The following ADK variants were observed in gnomAD, a reference collection of about 807,000 sequenced individuals.
The protein encoded by ADK is adenosine kinase.
A neutral mutation model predicts 44.7 loss-of-function variants in ADK; 24 were observed. The observed-to-expected ratio is 0.54, with a 90% CI of 0.39 to 0.76. The LOEUF is 0.76. ADK is among the 30% of genes least tolerant of loss of function. The pLI is 0.00. For missense variants in ADK, 321 were observed against 425.1 expected (o/e 0.76, Z 2.15); for synonymous variants, 128 against 142.6 (o/e 0.90, Z 0.73).
At chr10:74,373,688 C>A (rs909806241) in intron 4 of ADK, among the ~76,000 whole-genome samples, 2 of 152,074 alleles carry the variant, frequency 1.3e-5, no homozygotes, top group Non-Finnish European at 2.9e-5. Context: ...TTTGGAGAAC[C>A]CTAAGGCATT....
intron 4 of ADK, among the ~76,000 whole-genome samples, chr10:74,356,973 T>A (rs539755816): frequency 1.9e-4 from 29 of 152,208 alleles, no homozygotes; most frequent in Admixed American, 1.6e-3. Context: ...TATATTTGAG[T>A]GTAATGAGCA....
At chr10:74,596,018 C>T (rs1472792134) in intron 8 of ADK, among the ~76,000 whole-genome samples, 1 of 141,462 alleles carries the variant, frequency 7.1e-6, no homozygotes, top group Admixed American at 7.0e-5. Context: ...AAAAAAAAAC[C>T]ACTGAAATTC....
At chr10:74,553,206 T>G (rs868856906) in intron 7 of ADK, among the ~76,000 whole-genome samples, 3 of 128,998 alleles carry the variant, frequency 2.3e-5, no homozygotes, top group Admixed American at 1.5e-4. Flanking sequence ...TTTTTTTTTT[T>G]TTTTTTTTTT....
chr10:74,409,050 C>T (rs923896500), intron 6 of ADK, among the ~76,000 whole-genome samples: 16 of 152,110 alleles, frequency 1.1e-4, no homozygotes, highest in South Asian at 4.1e-4. Flanking sequence ...ACCATTTTAT[C>T]GCTTAAAAAT....
At chr10:74,417,077 T>A (rs1052591255) in intron 6 of ADK, among the ~76,000 whole-genome samples, 1 of 152,112 alleles carries the variant, frequency 6.6e-6, no homozygotes, top group Non-Finnish European at 1.5e-5. Flanking sequence ...TGGTAGCTTT[T>A]AATCATTTGC....
Position 74,519,620 on chromosome 10 carries a change from T to A in ADK, c.556-5636T>A, listed in dbSNP as rs551587038. Among the ~76,000 whole-genome samples the A allele has an allele frequency of 7.9e-4, 120 of 152,108 alleles. 1 individual carries two copies. The highest frequency in any genetic ancestry group is 1.5e-3 in the Non-Finnish European group (105 of 67,850). Reference sequence around the variant, plus strand: ...AGTAGACTCTCAGAAGTAGAATTACTGGGTCAAAGAGTATAATCAACCCTT... The same window carrying A: ...AGTAGACTCTCAGAAGTAGAATTACAGGGTCAAAGAGTATAATCAACCCTT... On this transcript the variant is annotated intron_variant, in intron 6 of 10. Transcript: ENST00000539909.
At chr10:74,674,371 C>A (rs1268407248) in intron 10 of ADK, among the ~76,000 whole-genome samples, 1 of 152,180 alleles carries the variant, frequency 6.6e-6, no homozygotes. Context: ...CAGTGGCTCA[C>A]ACCTGAAATC....
At chr10:74,617,563 A>G (rs1852819068) in intron 9 of ADK, among the ~76,000 whole-genome samples, 1 of 151,968 alleles carries the variant, frequency 6.6e-6, no homozygotes, top group South Asian at 2.1e-4. Flanking sequence ...TATCTTTTTA[A>G]TGTCTTATTG....
intron 2 of ADK, among the ~76,000 whole-genome samples, chr10:74,212,108 T>G (rs2132195100): frequency 6.6e-6 from 1 of 152,342 alleles, no homozygotes; most frequent in South Asian, 2.1e-4. Context: ...ATTGAGTGAT[T>G]GGTCCTGAGT....
chr10:74,151,278 G>A lies in ADK; in HGVS notation c.-1G>A, dbSNP rs757735079. 6.5e-7 allele frequency: 1 copy of A among 1,549,688 alleles called. No homozygotes were observed. Among genetic ancestry groups the A allele is most frequent in the South Asian group, 1.2e-5 (1 of 83,974 alleles). On this transcript the variant is annotated 5_prime_UTR_variant, in exon 1 of 11. Coordinates refer to ENST00000539909, the MANE Select transcript of ADK (RefSeq NM_006721.4). ...AGCCAAAGTGGGGTGGGAGCGCGAA[G>A]ATGGCAGCTGCTGAGGAGGAGCCGA...
At chr10:74,610,891 T>TAA (rs1187772511) in intron 9 of ADK, among the ~76,000 whole-genome samples, 2 of 152,150 alleles carry the variant, frequency 1.3e-5, no homozygotes, top group Non-Finnish European at 2.9e-5. Flanking sequence ...TAGTGCTTTA[T>TAA]AGAAAGTTTA....
chr10:74,647,411 T>C (rs1854093111), intron 9 of ADK, among the ~76,000 whole-genome samples: 1 of 152,220 alleles, frequency 6.6e-6, no homozygotes, highest in South Asian at 2.1e-4. Context: ...GTTTGATCTG[T>C]AGTTATTTAT....
intron 10 of ADK, among the ~76,000 whole-genome samples, chr10:74,680,884 CA>C (rs1443459924): frequency 6.6e-6 from 1 of 152,124 alleles, no homozygotes; most frequent in African/African-American, 2.4e-5. Context: ...TTAACGTTGA[CA>C]TTTTATAGAA....
At chr10:74,360,215 T>C (rs889718414) in intron 4 of ADK, among the ~76,000 whole-genome samples, 3 of 152,140 alleles carry the variant, frequency 2.0e-5, no homozygotes, top group Non-Finnish European at 4.4e-5. Context: ...CTGATGTTCT[T>C]ACATTTCTTA....
intron 8 of ADK, among the ~76,000 whole-genome samples, chr10:74,590,299 A>T (rs1444829393): frequency 6.6e-6 from 1 of 152,212 alleles, no homozygotes. Flanking sequence ...TTGTCTATCA[A>T]ACAGGGAAGA....
intron 3 of ADK, among the ~76,000 whole-genome samples, chr10:74,306,315 T>C (rs1840246941): frequency 6.6e-6 from 1 of 152,154 alleles, no homozygotes; most frequent in Admixed American, 6.5e-5. Flanking sequence ...TTATCTTCTG[T>C]TTCTTTGCTG....
chr10:74,314,521 A>G, intron 3 of ADK, 146 bp from the exon 4 acceptor site: 1 of 631,688 alleles, frequency 1.6e-6, no homozygotes, highest in Non-Finnish European at 2.8e-6. Context: ...TTTTTGTTAT[A>G]AGATATTTCA....
intron 6 of ADK, among the ~76,000 whole-genome samples, chr10:74,523,512 C>T (rs1264787538): frequency 6.6e-6 from 1 of 152,094 alleles, no homozygotes; most frequent in African/African-American, 2.4e-5. Context: ...TTTTTGTTCT[C>T]CATTTTTTCC....
intron 9 of ADK, among the ~76,000 whole-genome samples, chr10:74,650,998 G>T (rs574573292): frequency 1.3e-5 from 2 of 152,260 alleles, no homozygotes; most frequent in South Asian, 4.1e-4. Flanking sequence ...AAAGTATAAA[G>T]ACTTGACACC....
Sources: gnomAD v4.1 joint callset for allele counts (sites outside exome capture counted in the v4.1 genomes callset) on GRCh38, gnomAD v4.1.1 for gene constraint, MANE v1.5 for transcripts, NCBI Gene and HGNC (gene_info 2026-07-23, HGNC 2026-07-21) for gene names.